Variants in VCPKMT observed in about 807,000 individuals in gnomAD.
VCPKMT encodes the protein valosin containing protein lysine methyltransferase, also known as protein N-lysine methyltransferase METTL21D.
Under a neutral mutation model 28.6 loss-of-function variants are expected in VCPKMT, and 32 were observed. The ratio of observed to expected loss-of-function variants is 1.12; its 90% CI spans 0.84 to 1.50. The LOEUF (loss-of-function observed/expected upper bound fraction) is 1.50, where lower values mean the gene tolerates loss of function less well. Among genes scored for constraint, VCPKMT ranks in the 40% most tolerant of loss-of-function variants. VCPKMT has a pLI of 0.00. For missense variants in VCPKMT, 366 were observed against 285.0 expected, an observed-to-expected ratio of 1.28 and a Z score of -2.05; for synonymous variants, 138 against 111.4, an observed-to-expected ratio of 1.24 and a Z score of -1.50.
intron 5 of VCPKMT, chr14:50,111,360 G>A (rs972026857): frequency 1.0e-5 from 10 of 985,202 alleles, no homozygotes; most frequent in African/African-American, 1.7e-5. Context: ...TAATCCCGCT[G>A]CTGCCTTTTT....
downstream of VCPKMT, among the ~76,000 whole-genome samples, chr14:50,104,571 C>T (rs1027981605): frequency 1.3e-5 from 2 of 151,988 alleles, no homozygotes; most frequent in African/African-American, 4.8e-5. Context: ...TCTTTCAAAT[C>T]CTGATGTTTC....
rs933646217 is a variant in VCPKMT at position 50,113,473 on chromosome 14, A to G, written c.571-754T>C. ...GTACCCTCAAAAGGAGTCACTCACA[A>G]TGTGATAGATTTGTGCCCATATAAG... On this transcript the variant is annotated intron_variant, in intron 4 of 5. Coordinates refer to ENST00000395860, the MANE Select transcript of VCPKMT (RefSeq NM_024558.3). 3 of 152,164 alleles carry G rather than the reference A, an allele frequency of 2.0e-5. No individual in the cohort carries two copies. In the East Asian group the frequency reaches 5.8e-4, roughly 29 times the overall value. The allele number at this position is 152,164 out of a possible 1,614,324, so 9.4% of individuals were successfully genotyped here.
chr14:50,116,371 T>A lies in VCPKMT; in HGVS notation c.182A>T (p.Asp61Val). 1 of 1,613,430 alleles carries A rather than the reference T, an allele frequency of 6.2e-7. No homozygotes were observed. Among genetic ancestry groups the A allele is most frequent in the South Asian group, 1.1e-5 (1 of 91,032 alleles). The change falls in exon 1 of 6, where the codon GAC becomes GTC. Residue 61 changes from aspartate (D) to valine (V), a missense_variant. Coordinates refer to ENST00000395860, the MANE Select transcript of VCPKMT (RefSeq NM_024558.3). ...KYLETPEFSGDGAHALSRRSV... is the reference protein window; with the variant it reads ...KYLETPEFSGVGAHALSRRSV... ...CCGCCGGCTCAGCGCGTGGGCCCCGTCGCCAGAAAACTCGGGCGTTTCCAG... is the reference window on the plus strand; with the variant it reads ...CCGCCGGCTCAGCGCGTGGGCCCCGACGCCAGAAAACTCGGGCGTTTCCAG...
intron 5 of VCPKMT, chr14:50,112,117 C>T (rs377717754): frequency 1.0e-6 from 1 of 955,038 alleles, no homozygotes; most frequent in Non-Finnish European, 1.2e-6. Flanking sequence ...GAAAAGTTCA[C>T]AAAGGTAAGA....
At chr14:50,108,533 T>G (rs1310662531), downstream of VCPKMT, 1 of 880,716 alleles carries the variant, frequency 1.1e-6, no homozygotes, top group Non-Finnish European at 1.4e-6. Flanking sequence ...ACTGATTTCT[T>G]GACTTGTATC....
Position 50,116,113 on chromosome 14 carries a change from G to C in VCPKMT, c.333C>G (p.Asn111Lys). The C allele has an allele frequency of 6.2e-7, 1 of 1,614,002 alleles. No individual in the cohort carries two copies. The highest frequency in any genetic ancestry group is 8.5e-7 in the Non-Finnish European group (1 of 1,179,988). Residue 111 changes from asparagine to lysine, a missense_variant, in exon 2 of 6, where the codon AAC (asparagine) becomes AAG (lysine). Physicochemically the swap from Asn to Lys is moderately conservative, Grantham distance 94. Transcript: ENST00000395860. ...QDLLKMNINM[N>K]KHLVTGSVQA... is the part of the protein sequence containing the mutation. ...GAACAGAACCAGTGACAAGATGCTT[G>C]TTCATATTAATATTCATCTTCAGCA...
At chr14:50,102,866 G>A in the VCPKMT span, among the ~76,000 whole-genome samples, 59 of 152,310 alleles carry the variant, frequency 3.9e-4, no homozygotes, top group African/African-American at 1.3e-3. Context: ...ACCACCTATT[G>A]AGTATTCATG....
chr14:50,106,518 C>T (rs188964185), downstream of VCPKMT: 59 of 980,646 alleles, frequency 6.0e-5, no homozygotes, highest in Admixed American at 3.3e-3. Context: ...ACCCTCAATT[C>T]ATGCATCATT....
the VCPKMT span, among the ~76,000 whole-genome samples, chr14:50,102,923 T>C: frequency 6.6e-6 from 1 of 152,342 alleles, no homozygotes. Context: ...GCAAGTTTAA[T>C]ATAACGCAGA....
At chr14:50,104,276 G>T (rs1289205268), downstream of VCPKMT, among the ~76,000 whole-genome samples, 1 of 152,076 alleles carries the variant, frequency 6.6e-6, no homozygotes, top group Non-Finnish European at 1.5e-5. Context: ...AGTTGATAGG[G>T]ACTCACTAGA....
intron 4 of VCPKMT, among the ~76,000 whole-genome samples, chr14:50,113,885 C>T (rs550177780): frequency 7.2e-6 from 1 of 138,708 alleles, no homozygotes; most frequent in South Asian, 2.4e-4. Context: ...CACTGCACTC[C>T]GGCATGGGCT....
chr14:50,111,446 A>T (rs1309959583), intron 5 of VCPKMT: 2 of 985,344 alleles, frequency 2.0e-6, no homozygotes, highest in East Asian at 1.1e-4. Context: ...TATAATCAGA[A>T]AACTTTACCA....
chr14:50,106,457 G>T, downstream of VCPKMT: 2 of 716,366 alleles, frequency 2.8e-6, no homozygotes, highest in Non-Finnish European at 3.4e-6. Context: ...CATTGCACTT[G>T]CCTTTTAAAC....
Position 50,109,231 on chromosome 14 carries a change from G to T in VCPKMT, c.*468C>A. On this transcript the variant is annotated 3_prime_UTR_variant, in exon 6 of 6. Coordinates refer to ENST00000395860, the MANE Select transcript of VCPKMT (RefSeq NM_024558.3). ...GTGGAAAATACAAATGATAAATATTGTATAATTATGTACAAAATGAAAACC... is the reference window on the plus strand; with the variant it reads ...GTGGAAAATACAAATGATAAATATTTTATAATTATGTACAAAATGAAAACC... 1.1e-6 allele frequency: 1 copy of T among 905,774 alleles called. No homozygotes were observed. Among genetic ancestry groups the T allele is most frequent in the Non-Finnish European group, 1.3e-6 (1 of 757,130 alleles). 56.1% of individuals were successfully genotyped at this position (905,774 alleles called of 1,614,324 possible). A position where few individuals can be genotyped will look rare whatever the true frequency, so the allele number is the denominator to read the frequency against.
chr14:50,114,416 A>G lies in VCPKMT; in HGVS notation c.451-12T>C. The G allele has an allele frequency of 1.4e-6, 2 of 1,453,908 alleles. No homozygotes were observed. The highest frequency in any genetic ancestry group is 1.8e-6 in the Non-Finnish European group (2 of 1,100,868). The allele number at this position is 1,453,908 out of a possible 1,614,324, so 90.1% of individuals were successfully genotyped here. Reference sequence around the variant, plus strand: ...AATGGCTCCAAAGACTATTTAAAAAAGAATATATTTTTTGTTTTTGATTTA... The same window carrying G: ...AATGGCTCCAAAGACTATTTAAAAAGGAATATATTTTTTGTTTTTGATTTA... On this transcript the variant is annotated splice_polypyrimidine_tract_variant and intron_variant, in intron 3 of 5. Transcript: ENST00000395860.
downstream of VCPKMT, chr14:50,106,502 C>T (rs75376566): frequency 1.5e-3 from 1,496 of 970,878 alleles, 22 homozygotes; most frequent in African/African-American, 0.025. Flanking sequence ...TTGCAGAAGT[C>T]TTCTAACCCT....
At chr14:50,111,941 C>T (rs1055583249) in intron 5 of VCPKMT, 52 of 985,140 alleles carry the variant, frequency 5.3e-5, no homozygotes, top group Non-Finnish European at 6.1e-5. Flanking sequence ...AGGCTCAAAC[C>T]CTAGGTGTCA....
chr14:50,116,502 C>T lies in VCPKMT; in HGVS notation c.51G>A (p.Val17=). The change falls in exon 1 of 6, where the codon GTG becomes GTA. Residue 17 remains valine, a synonymous_variant. Transcript: ENST00000395860. ...TACCATCCCGCTTCTCCAAAACTCG[C>T]ACAAAGCTCCGCAGTGGGTCCTCCA... ...SSLEDPLRSF[V]RVLEKRDGTV... is the part of the protein sequence containing the mutation. 1 of 1,613,848 alleles carries T rather than the reference C, an allele frequency of 6.2e-7. No homozygotes were observed.
At chr14:50,103,903 A>G (rs534680324), downstream of VCPKMT, among the ~76,000 whole-genome samples, 1 of 152,126 alleles carries the variant, frequency 6.6e-6, no homozygotes, top group South Asian at 2.1e-4. Context: ...CTGTAATTCC[A>G]CCCCAACTAC....
Sources: gnomAD v4.1 joint callset for allele counts (sites outside exome capture counted in the v4.1 genomes callset) on GRCh38, gnomAD v4.1.1 for gene constraint, MANE v1.5 for transcripts, NCBI Gene and HGNC (gene_info 2026-07-23, HGNC 2026-07-21) for gene names.